The following DENND1A variants were observed in gnomAD, a reference collection of about 807,000 sequenced individuals.
DENND1A encodes the protein DENN domain containing 1A, also known as DENN domain-containing protein 1A.
DENND1A carries 51 observed loss-of-function variants against 113.7 expected under a neutral mutation model. That is an observed-to-expected ratio of 0.45 (90% CI 0.36 to 0.57). DENND1A has a LOEUF of 0.57. DENND1A is among the 20% of genes least tolerant of loss of function. The pLI, the probability that DENND1A is intolerant of heterozygous loss-of-function variation, is 0.00. For synonymous variants in DENND1A, 565 were observed against 570.8 expected (o/e 0.99, Z 0.14); for missense variants, 1,258 against 1,395.9 (o/e 0.90, Z 1.57).
chr9:123,855,458 A>G (rs1229663854), intron 2 of DENND1A, among the ~76,000 whole-genome samples: 3 of 152,152 alleles, frequency 2.0e-5, no homozygotes, highest in African/African-American at 7.2e-5. Flanking sequence ...TATTGTACAG[A>G]AAAGAGAAAG....
chr9:123,572,594 T>A (rs2058420158), intron 12 of DENND1A, among the ~76,000 whole-genome samples: 2 of 152,202 alleles, frequency 1.3e-5, no homozygotes, highest in Non-Finnish European at 2.9e-5. Flanking sequence ...TCTTTTCATG[T>A]GCATGTTGTG....
chr9:123,745,119 G>A (rs947483637), intron 5 of DENND1A, among the ~76,000 whole-genome samples: 12 of 152,114 alleles, frequency 7.9e-5, no homozygotes, highest in African/African-American at 2.9e-4. Flanking sequence ...TAGATATGAG[G>A]AAATTAAGGC....
At chr9:123,639,094 A>G (rs1262678674) in intron 9 of DENND1A, among the ~76,000 whole-genome samples, 3 of 150,840 alleles carry the variant, frequency 2.0e-5, no homozygotes, top group Non-Finnish European at 3.0e-5. Flanking sequence ...AGAAAAAGAA[A>G]AAGAAAAAGG....
intron 5 of DENND1A, among the ~76,000 whole-genome samples, chr9:123,755,100 C>T (rs13291336): frequency 6.6e-6 from 1 of 151,596 alleles, no homozygotes; most frequent in Admixed American, 6.6e-5. Context: ...GCTTGAGCTG[C>T]TGAGGTCCAG....
chr9:123,431,567 C>T (rs1458292040), intron 19 of DENND1A, among the ~76,000 whole-genome samples: 1 of 152,214 alleles, frequency 6.6e-6, no homozygotes, highest in East Asian at 1.9e-4. Context: ...AGCTTTGAAT[C>T]CTGTTGCTTC....
At chr9:123,678,529 C>G (rs1195157128) in intron 5 of DENND1A, among the ~76,000 whole-genome samples, 1 of 152,172 alleles carries the variant, frequency 6.6e-6, no homozygotes, top group Non-Finnish European at 1.5e-5. Flanking sequence ...AGGTAGCGCA[C>G]AGATGTGATA....
chr9:123,723,598 A>G (rs1297407392), intron 5 of DENND1A, among the ~76,000 whole-genome samples: 1 of 152,144 alleles, frequency 6.6e-6, no homozygotes, highest in Non-Finnish European at 1.5e-5. Context: ...GTGACAATGA[A>G]TAAGTCTCAT....
intron 5 of DENND1A, among the ~76,000 whole-genome samples, chr9:123,711,515 A>ATG (rs1456930347): frequency 1.0e-3 from 31 of 30,524 alleles, no homozygotes; most frequent in African/African-American, 8.3e-3. Flanking sequence ...GTATATATGT[A>ATG]TATATATATA....
At position 123,631,566 on chromosome 9, in the gene DENND1A, T is replaced by C. The variant is rs1003553570; in HGVS notation, c.619-1090A>G. On this transcript the variant is annotated intron_variant, in intron 9 of 23. Coordinates refer to ENST00000394215, the MANE Select transcript of DENND1A (RefSeq NM_001352964.2). Reference sequence around the variant, plus strand: ...TATTTTCTTCCATGATGGTTTCTACTGCTTTTATCCCAAGAAAGTCCTCCA... The same window carrying C: ...TATTTTCTTCCATGATGGTTTCTACCGCTTTTATCCCAAGAAAGTCCTCCA... 2.6e-5 allele frequency among the ~76,000 whole-genome samples: 4 copies of C among 152,240 alleles called. No individual in the cohort carries two copies. In the South Asian group the frequency reaches 8.3e-4, roughly 32 times the overall value.
chr9:123,623,127 A>G (rs1168805053), intron 10 of DENND1A, among the ~76,000 whole-genome samples: 1 of 152,314 alleles, frequency 6.6e-6, no homozygotes, highest in East Asian at 1.9e-4. Flanking sequence ...ACCATACAAT[A>G]ACTCAAGTTA....
intron 1 of DENND1A, among the ~76,000 whole-genome samples, chr9:123,888,285 A>G (rs1849395264): frequency 6.6e-6 from 1 of 152,228 alleles, no homozygotes; most frequent in Non-Finnish European, 1.5e-5. Context: ...GGGCAGTCTG[A>G]GCATCCAAAT....
chr9:123,868,026 T>C (rs1248791652), intron 2 of DENND1A, among the ~76,000 whole-genome samples: 3 of 152,168 alleles, frequency 2.0e-5, no homozygotes, highest in East Asian at 3.9e-4. Context: ...GTAGAAAACC[T>C]AGATTCAGCA....
chr9:123,667,218 A>T, intron 7 of DENND1A, 139 bp from the exon 8 acceptor site: 1 of 810,272 alleles, frequency 1.2e-6, no homozygotes, highest in Non-Finnish European at 1.9e-6. Flanking sequence ...CACCCATGGA[A>T]TATTTTCTTT....
At chr9:123,693,519 C>CT (rs916740664) in intron 5 of DENND1A, among the ~76,000 whole-genome samples, 46 of 150,894 alleles carry the variant, frequency 3.0e-4, no homozygotes, top group South Asian at 8.4e-4. Context: ...TATAATTTCG[C>CT]TTTTTTTTTC....
rs940254071 is a variant in DENND1A, at chr9:123,890,782, G to C, written c.18-11761C>G. Among the ~76,000 whole-genome samples the C allele has an allele frequency of 2.6e-5, 4 of 152,138 alleles. No individual in the cohort carries two copies. The East Asian group carries it at 7.7e-4, about 29-fold the overall frequency. ...GCTGGAATTTGAACCCAGAGAGTGT[G>C]GCTCTAGAGTCTATATTCTTGAATT... On this transcript the variant is annotated intron_variant, in intron 1 of 23. Coordinates refer to ENST00000394215, the MANE Select transcript of DENND1A (RefSeq NM_001352964.2).
intron 12 of DENND1A, among the ~76,000 whole-genome samples, chr9:123,580,511 CCAGT>C: frequency 6.6e-6 from 1 of 152,346 alleles, no homozygotes; most frequent in East Asian, 1.9e-4. Flanking sequence ...GCAGGTGGGA[CCAGT>C]CAGTCCACTC....
chr9:123,669,012 G>T (rs999787172), intron 7 of DENND1A, among the ~76,000 whole-genome samples: 3 of 152,018 alleles, frequency 2.0e-5, no homozygotes, highest in Non-Finnish European at 4.4e-5. Flanking sequence ...CTATAAATGG[G>T]AATCATATTA....
At chr9:123,922,096 C>G (rs535004788) in intron 1 of DENND1A, among the ~76,000 whole-genome samples, 1 of 152,012 alleles carries the variant, frequency 6.6e-6, no homozygotes, top group African/African-American at 2.4e-5. Context: ...CCACACCTGG[C>G]TAATTGTTGT....
intron 2 of DENND1A, among the ~76,000 whole-genome samples, chr9:123,795,618 T>C (rs1833651161): frequency 6.6e-6 from 1 of 152,200 alleles, no homozygotes; most frequent in Non-Finnish European, 1.5e-5. Context: ...TTTCTTTGAG[T>C]TTTAAATGGT....
Sources: allele counts gnomAD v4.1 joint callset (sites outside exome capture counted in the v4.1 genomes callset), GRCh38; gene constraint gnomAD v4.1.1; transcripts MANE v1.5; gene names NCBI Gene and HGNC (gene_info 2026-07-23, HGNC 2026-07-21).